The following ATRNL1 variants were observed in gnomAD, a reference collection of about 807,000 sequenced individuals.
ATRNL1 encodes attractin like 1, also known as attractin-like protein 1.
ATRNL1 carries 95 observed loss-of-function variants against 182.7 expected under a neutral mutation model. The observed-to-expected ratio is 0.52, with a 90% CI of 0.44 to 0.62. The LOEUF is 0.62. Ranked by LOEUF, ATRNL1 falls within the 20% of genes least tolerant of loss-of-function variation. The pLI is 0.00. For missense variants in ATRNL1, 1,471 were observed against 1,679.5 expected (o/e 0.88, Z 2.17); for synonymous variants, 576 against 568.3 (o/e 1.01, Z -0.19).
intron 27 of ATRNL1, among the ~76,000 whole-genome samples, chr10:115,737,152 A>C (rs1324132114): frequency 6.6e-6 from 1 of 151,864 alleles, no homozygotes; most frequent in Non-Finnish European, 1.5e-5. Context: ...TTGGGTAGGC[A>C]CGGTGGCTCA....
intron 9 of ATRNL1, among the ~76,000 whole-genome samples, chr10:115,237,913 G>A (rs1448756372): frequency 1.3e-5 from 2 of 152,170 alleles, no homozygotes; most frequent in East Asian, 1.9e-4. Context: ...TGTAAAAGAT[G>A]TAAGGTCTGT....
chr10:115,509,864 A>T (rs1480750699), intron 24 of ATRNL1, among the ~76,000 whole-genome samples: 1 of 152,060 alleles, frequency 6.6e-6, no homozygotes, highest in South Asian at 2.1e-4. Context: ...CTAGGCAAAG[A>T]AAAATCTCTG....
intron 8 of ATRNL1, among the ~76,000 whole-genome samples, chr10:115,208,386 A>T (rs1848886163): frequency 6.6e-6 from 1 of 151,540 alleles, no homozygotes; most frequent in East Asian, 1.9e-4. Context: ...TAATTTTTTC[A>T]TATGTTTTAG....
At chr10:115,224,985 C>G (rs1849632185) in intron 9 of ATRNL1, among the ~76,000 whole-genome samples, 1 of 152,004 alleles carries the variant, frequency 6.6e-6, no homozygotes, top group Non-Finnish European at 1.5e-5. Flanking sequence ...CAATCTTTCA[C>G]AAACTTTCTG....
chr10:115,609,886 C>T (rs779739649), intron 26 of ATRNL1, among the ~76,000 whole-genome samples: 3 of 152,214 alleles, frequency 2.0e-5, no homozygotes, highest in Non-Finnish European at 2.9e-5. Context: ...ATCCGTGGCC[C>T]ACTCTGTACA....
intron 26 of ATRNL1, among the ~76,000 whole-genome samples, chr10:115,599,433 A>G (rs1555015268): frequency 6.6e-6 from 1 of 152,184 alleles, no homozygotes; most frequent in African/African-American, 2.4e-5. Context: ...GAAATGCTGT[A>G]TTTGTACTTC....
At chr10:115,599,124 A>G (rs1446058549) in intron 26 of ATRNL1, among the ~76,000 whole-genome samples, 1 of 152,222 alleles carries the variant, frequency 6.6e-6, no homozygotes, top group Non-Finnish European at 1.5e-5. Context: ...AATAAGAACA[A>G]GCTTAAAGTA....
At chr10:115,888,486 A>G (rs1479994343) in intron 28 of ATRNL1, among the ~76,000 whole-genome samples, 1 of 152,136 alleles carries the variant, frequency 6.6e-6, no homozygotes, top group Non-Finnish European at 1.5e-5. Context: ...GTTCTTCCAG[A>G]TGGAATGCCC....
chr10:115,120,720 A>G (rs1844692199), intron 2 of ATRNL1, among the ~76,000 whole-genome samples: 1 of 152,102 alleles, frequency 6.6e-6, no homozygotes, highest in African/African-American at 2.4e-5. Flanking sequence ...CTATCTATTT[A>G]AATGTATTGT....
chr10:115,759,458 C>G (rs575922771), intron 27 of ATRNL1, among the ~76,000 whole-genome samples: 1 of 152,186 alleles, frequency 6.6e-6, no homozygotes, highest in Admixed American at 6.5e-5. Flanking sequence ...CCAAAAATGT[C>G]TCCTACCCAT....
At chr10:115,575,666 G>A (rs535549647) in intron 26 of ATRNL1, among the ~76,000 whole-genome samples, 16 of 151,902 alleles carry the variant, frequency 1.1e-4, no homozygotes, top group Non-Finnish European at 2.1e-4. Flanking sequence ...TTCATTGCAT[G>A]TGTTTAAGGT....
At chr10:115,216,841 A>G (rs1266168698) in intron 9 of ATRNL1, among the ~76,000 whole-genome samples, 2 of 151,996 alleles carry the variant, frequency 1.3e-5, no homozygotes, top group East Asian at 1.9e-4. Context: ...TTAAAAAAAT[A>G]TAGAATTATA....
chr10:115,188,041 G>A (rs985373636), intron 8 of ATRNL1, among the ~76,000 whole-genome samples: 16 of 137,006 alleles, frequency 1.2e-4, no homozygotes, highest in Non-Finnish European at 2.5e-4. Flanking sequence ...ACAACTGGGA[G>A]AGAGGGAGGG....
At chr10:115,566,535 A>T (rs1210502866) in intron 26 of ATRNL1, among the ~76,000 whole-genome samples, 1 of 152,184 alleles carries the variant, frequency 6.6e-6, no homozygotes, top group Non-Finnish European at 1.5e-5. Context: ...TGCAAAATCT[A>T]ATTAAAATGC....
intron 28 of ATRNL1, among the ~76,000 whole-genome samples, chr10:115,851,828 C>T (rs1344307186): frequency 1.3e-5 from 2 of 152,104 alleles, no homozygotes; most frequent in Non-Finnish European, 2.9e-5. Context: ...ACTGTGCAGC[C>T]ACTTTGTCTT....
At chr10:115,769,274 C>T (rs1303155885) in intron 27 of ATRNL1, among the ~76,000 whole-genome samples, 2 of 152,132 alleles carry the variant, frequency 1.3e-5, no homozygotes, top group Non-Finnish European at 2.9e-5. Context: ...GCATTGCTCC[C>T]ATAAATTAGT....
chr10:115,789,769 A>G (rs17093598), intron 27 of ATRNL1, among the ~76,000 whole-genome samples: 6,169 of 152,290 alleles, frequency 0.041, 398 homozygotes, highest in African/African-American at 0.13. Flanking sequence ...CAAAATGTCT[A>G]GAACTATGGG....
chr10:115,368,710 G>T (rs375168284), intron 19 of ATRNL1, among the ~76,000 whole-genome samples: 1 of 149,016 alleles, frequency 6.7e-6, no homozygotes, highest in African/African-American at 2.6e-5. Context: ...TTGTATATTC[G>T]ATTCTATTTT....
At chr10:115,469,353 C>A in intron 24 of ATRNL1, 24 bp downstream of exon 24, 1 of 1,436,062 alleles carries the variant, frequency 7.0e-7, no homozygotes, top group Non-Finnish European at 9.3e-7. Flanking sequence ...GTATTTACTT[C>A]TAATGACCAT....
Sources: allele counts gnomAD v4.1 joint callset (sites outside exome capture counted in the v4.1 genomes callset), GRCh38; gene constraint gnomAD v4.1.1; transcripts MANE v1.5; gene names NCBI Gene and HGNC (gene_info 2026-07-23, HGNC 2026-07-21).